The following GTF2A2 variants were observed in gnomAD, a reference collection of about 807,000 sequenced individuals.
GTF2A2 encodes general transcription factor IIA subunit 2.
Under a neutral mutation model 14.3 loss-of-function variants are expected in GTF2A2, and 9 were observed. The ratio of observed to expected loss-of-function variants is 0.63; its 90% CI spans 0.38 to 1.10. The LOEUF is 1.10. GTF2A2 is among the 50% of genes least tolerant of loss of function. The probability of loss-of-function intolerance (pLI) is 0.01; values close to 1 mark genes in which losing one functional copy is unlikely to be tolerated. For missense variants in GTF2A2, 90 were observed against 124.6 expected (o/e 0.72, Z 1.32); for synonymous variants, 56 against 46.0 (o/e 1.22, Z -0.88).
chr15:59,643,691 G>GGGT (rs776971039), intron 3 of GTF2A2, among the ~76,000 whole-genome samples: 1 of 148,756 alleles, frequency 6.7e-6, no homozygotes, highest in Non-Finnish European at 1.5e-5. Context: ...TCCACTTCCT[G>GGGT]GGTTCTAGCT....
rs1891452563 is a variant in GTF2A2 at position 59,642,209 on chromosome 15, A to G, written c.231T>C (p.Asn77=). The stretch of plus-strand genomic sequence containing the variant: ...CTGTCACCTCTCTGAATTCAACATC[A>G]TTCAGTACAAAAGTCCACACATTAT... ...FCDNVWTFVL[N]DVEFREVTEL... is the part of the protein sequence containing the mutation. The change falls in exon 4 of 5, where the codon AAT becomes AAC. Residue 77 remains asparagine (N), a synonymous_variant. Transcript: ENST00000396060. 3 of 1,611,192 alleles carry G rather than the reference A, an allele frequency of 1.9e-6. No individual in the cohort carries two copies. The South Asian group carries it at 3.3e-5, about 18-fold the overall frequency.
chr15:59,653,585 T>C (rs540423882), intron 1 of GTF2A2, among the ~76,000 whole-genome samples: 9 of 148,250 alleles, frequency 6.1e-5, no homozygotes, highest in African/African-American at 2.2e-4. Flanking sequence ...CTAAGTTTTC[T>C]TGGGTCCTCT....
At chr15:59,649,133 A>G (rs959990908) in intron 3 of GTF2A2, among the ~76,000 whole-genome samples, 7 of 152,184 alleles carry the variant, frequency 4.6e-5, no homozygotes, top group Non-Finnish European at 8.8e-5. Flanking sequence ...TCTTGGCCAT[A>G]TGCTACACTA....
intron 1 of GTF2A2, chr15:59,657,146 G>C (rs1248042049): frequency 2.6e-5 from 4 of 152,228 alleles, no homozygotes; most frequent in Non-Finnish European, 4.4e-5. Context: ...ACGGTGGTGG[G>C]CTGAAGACCT....
intron 1 of GTF2A2, among the ~76,000 whole-genome samples, chr15:59,653,282 C>A (rs554868638): frequency 6.6e-6 from 1 of 152,108 alleles, no homozygotes; most frequent in Non-Finnish European, 1.5e-5. Context: ...TTCCACTACA[C>A]GTCAGGTGTA....
intron 1 of GTF2A2, among the ~76,000 whole-genome samples, chr15:59,653,447 C>A (rs753897843): frequency 3.9e-5 from 6 of 152,186 alleles, no homozygotes; most frequent in Non-Finnish European, 5.9e-5. Flanking sequence ...ATCATTTCTG[C>A]CTTCTTGAAA....
rs1891249111 is a variant in GTF2A2, at chr15:59,638,320, T to C, written c.*812A>G. ...TTTACTCCAATTGGGTCAATCCAGT[T>C]AACCATGTAAGAAACTCCTCACCTA... On this transcript the variant is annotated 3_prime_UTR_variant, in exon 5 of 5. Coordinates refer to ENST00000396060, the MANE Select transcript of GTF2A2 (RefSeq NM_004492.3). 6.6e-6 allele frequency: 1 copy of C among 152,162 alleles called. No individual in the cohort carries two copies. The highest frequency in any genetic ancestry group is 6.6e-5 in the Admixed American group (1 of 15,262). The allele number at this position is 152,162 out of a possible 1,614,324, so 9.4% of individuals were successfully genotyped here.
At chr15:59,655,728 C>G (rs554198866) in intron 1 of GTF2A2, among the ~76,000 whole-genome samples, 1 of 152,340 alleles carries the variant, frequency 6.6e-6, no homozygotes, top group Non-Finnish European at 1.5e-5. Flanking sequence ...ACTCCTGAAT[C>G]TAGCTGCCTA....
At chr15:59,648,826 C>A (rs954861254) in intron 3 of GTF2A2, among the ~76,000 whole-genome samples, 72 of 151,940 alleles carry the variant, frequency 4.7e-4, no homozygotes, top group African/African-American at 1.5e-3. Flanking sequence ...CCCAGCTACT[C>A]GGGGGGCTGA....
chr15:59,655,277 C>T (rs186209303), intron 1 of GTF2A2, among the ~76,000 whole-genome samples: 9 of 152,306 alleles, frequency 5.9e-5, no homozygotes, highest in Admixed American at 1.3e-4. Context: ...TTCTCAGTTC[C>T]CCTTTGCAGC....
At chr15:59,640,293 G>C (rs941862482) in intron 4 of GTF2A2, 1 of 152,136 alleles carries the variant, frequency 6.6e-6, no homozygotes, top group Admixed American at 6.5e-5. Context: ...AGGACTACCA[G>C]ACAGGAGCTC....
intron 3 of GTF2A2, among the ~76,000 whole-genome samples, chr15:59,645,461 G>C (rs1344516718): frequency 6.6e-6 from 1 of 152,042 alleles, no homozygotes; most frequent in Non-Finnish European, 1.5e-5. Flanking sequence ...AAGGGAAATA[G>C]GGGTTCAAAA....
At chr15:59,641,540 T>C (rs1442536607) in intron 4 of GTF2A2, among the ~76,000 whole-genome samples, 3 of 152,182 alleles carry the variant, frequency 2.0e-5, no homozygotes, top group South Asian at 4.1e-4. Context: ...GTTCAGATTA[T>C]GAAGTATATT....
Position 59,639,177 on chromosome 15 carries a change from G to A in GTF2A2, c.305-20C>T, listed in dbSNP as rs762996422. 5 of 1,209,816 alleles carry A rather than the reference G, an allele frequency of 4.1e-6. No individual in the cohort carries two copies. In the Admixed American group the frequency reaches 9.0e-5, roughly 22 times the overall value. 74.9% of individuals were successfully genotyped at this position (1,209,816 alleles called of 1,614,324 possible). ...CAGTATCTAGGAAACAAAAGAGAAA[G>A]TAAAGTAAAGTAAATTCAAGGAGCA... On this transcript the variant is annotated intron_variant, in intron 4 of 4. Coordinates refer to ENST00000396060, the MANE Select transcript of GTF2A2 (RefSeq NM_004492.3).
chr15:59,648,975 A>T (rs1443409203), intron 3 of GTF2A2, among the ~76,000 whole-genome samples: 1 of 152,098 alleles, frequency 6.6e-6, no homozygotes, highest in East Asian at 1.9e-4. Context: ...CTATAAAACA[A>T]TTTAACATGC....
chr15:59,652,284 G>C lies in GTF2A2; in HGVS notation c.-7C>G, dbSNP rs1195031559. On this transcript the variant is annotated 5_prime_UTR_variant, in exon 2 of 5. Transcript: ENST00000396060. The stretch of plus-strand genomic sequence containing the variant: ...TGTATAACTGATATGCCATGGCTTA[G>C]GAGGAAGAATTTGTTTTTCTTATTC... The C allele has an allele frequency of 3.2e-6, 5 of 1,557,452 alleles. No homozygotes were observed. Among genetic ancestry groups the C allele is most frequent in the Non-Finnish European group, 4.4e-6 (5 of 1,138,274 alleles).
intron 3 of GTF2A2, among the ~76,000 whole-genome samples, chr15:59,649,785 G>C (rs531636326): frequency 1.1e-4 from 16 of 152,142 alleles, no homozygotes; most frequent in Middle Eastern, 3.4e-3. Context: ...AACATGCCTG[G>C]TATGTTATCT....
intron 1 of GTF2A2, among the ~76,000 whole-genome samples, 174 bp from the exon 2 acceptor site, chr15:59,652,500 GT>G (rs1198439867): frequency 2.0e-5 from 3 of 151,856 alleles, no homozygotes; most frequent in African/African-American, 7.3e-5. Context: ...TGATTTTCCA[GT>G]TTTTTTCCCC....
At chr15:59,656,185 T>C (rs552286978) in intron 1 of GTF2A2, among the ~76,000 whole-genome samples, 132 of 152,314 alleles carry the variant, frequency 8.7e-4, no homozygotes, top group African/African-American at 3.0e-3. Flanking sequence ...CTCTTGCTCA[T>C]CCCTCTCCAG....
Sources: allele counts gnomAD v4.1 joint callset (sites outside exome capture counted in the v4.1 genomes callset), GRCh38; gene constraint gnomAD v4.1.1; transcripts MANE v1.5; gene names NCBI Gene and HGNC (gene_info 2026-07-23, HGNC 2026-07-21).